MICU1: variants seen among roughly 807,000 people sequenced by gnomAD.
MICU1 encodes the protein calcium uptake protein 1, mitochondrial.
Under a neutral mutation model 56.8 loss-of-function variants are expected in MICU1, and 45 were observed. The ratio of observed to expected loss-of-function variants is 0.79; its 90% CI spans 0.62 to 1.02. The LOEUF (loss-of-function observed/expected upper bound fraction) is 1.02. Ranked by LOEUF, MICU1 falls within the 50% of genes least tolerant of loss-of-function variation. MICU1 has a pLI of 0.00. For synonymous variants in MICU1, 186 were observed against 195.1 expected (o/e 0.95, Z 0.39); for missense variants, 504 against 587.1 (o/e 0.86, Z 1.46).
intron 3 of MICU1, among the ~76,000 whole-genome samples, chr10:72,556,539 A>G (rs940363989): frequency 2.0e-5 from 3 of 151,816 alleles, no homozygotes; most frequent in Admixed American, 6.6e-5. Flanking sequence ...GGGATTTCAC[A>G]GGTTGGTCAG....
intron 1 of MICU1, among the ~76,000 whole-genome samples, chr10:72,588,876 C>T (rs762001329): frequency 6.6e-6 from 1 of 152,316 alleles, no homozygotes; most frequent in Non-Finnish European, 1.5e-5. Flanking sequence ...TGAGCCAATG[C>T]CTTGAAGAAT....
chr10:72,535,184 G>A (rs565353367), intron 4 of MICU1, among the ~76,000 whole-genome samples: 8 of 151,198 alleles, frequency 5.3e-5, no homozygotes, highest in African/African-American at 1.7e-4. Context: ...TGTGTGCCAC[G>A]ATACCTGTCT....
chr10:72,610,392 A>G (rs1180042632), intron 1 of MICU1, among the ~76,000 whole-genome samples: 1 of 152,212 alleles, frequency 6.6e-6, no homozygotes, highest in East Asian at 1.9e-4. Flanking sequence ...TCTGAGATTT[A>G]AAATTTTAAG....
At chr10:72,555,265 C>T (rs968439671) in intron 3 of MICU1, among the ~76,000 whole-genome samples, 1 of 152,092 alleles carries the variant, frequency 6.6e-6, no homozygotes, top group Non-Finnish European at 1.5e-5. Context: ...AAAATGCTAT[C>T]ATCTTTTAGT....
At chr10:72,454,827 T>C (rs985183058) in intron 8 of MICU1, among the ~76,000 whole-genome samples, 1 of 149,914 alleles carries the variant, frequency 6.7e-6, no homozygotes. Context: ...AAACAAAAAC[T>C]AGTCACAATC....
At chr10:72,547,769 G>A (rs1469897253) in intron 4 of MICU1, among the ~76,000 whole-genome samples, 1 of 152,110 alleles carries the variant, frequency 6.6e-6, no homozygotes, top group African/African-American at 2.4e-5. Flanking sequence ...TAATACAAAT[G>A]ACCTACATTC....
At chr10:72,491,245 G>T (rs1029749197) in intron 6 of MICU1, among the ~76,000 whole-genome samples, 2 of 152,280 alleles carry the variant, frequency 1.3e-5, no homozygotes, top group East Asian at 3.9e-4. Context: ...TCCTAAGTCT[G>T]TAAGCCAATT....
chr10:72,620,668 T>C (rs183312758), intron 1 of MICU1, among the ~76,000 whole-genome samples: 55 of 152,274 alleles, frequency 3.6e-4, no homozygotes, highest in Admixed American at 2.4e-3. Flanking sequence ...CTGCAAAAAA[T>C]TGATCACCCT....
chr10:72,368,284 GC>G lies in MICU1; in HGVS notation c.1341del (p.Lys447AsnfsTer63), dbSNP rs1450410399. 1.2e-6 allele frequency: 2 copies of G among 1,613,980 alleles called. No individual in the cohort carries two copies. The highest frequency in any genetic ancestry group is 2.7e-5 in the African/African-American group (2 of 75,022). On this transcript the variant is annotated frameshift_variant, in exon 12 of 12. Coordinates refer to ENST00000361114, the MANE Select transcript of MICU1 (RefSeq NM_001195518.2). LOFTEE classifies it high-confidence loss of function. ...AGGCGAGTGAAACCCATGTCTTTGG[GC>G]TTTTCCAGGCCTCTCATCAGCCGTT... Reference protein sequence around the residue: ...MKQRLMRGLEKPKDMGFTRLM... With the variant: ...MKQRLMRGLEXPKDMGFTRLM...
At chr10:72,433,618 C>T (rs972989635) in intron 8 of MICU1, among the ~76,000 whole-genome samples, 4 of 151,688 alleles carry the variant, frequency 2.6e-5, no homozygotes, top group Admixed American at 2.6e-4. Flanking sequence ...TTAGTAAAGA[C>T]AGCGTTTCAC....
At chr10:72,466,171 C>T (rs1041616657) in intron 8 of MICU1, among the ~76,000 whole-genome samples, 2 of 152,152 alleles carry the variant, frequency 1.3e-5, no homozygotes, top group Admixed American at 6.6e-5. Context: ...CTGCAACAGT[C>T]GATCTGGTAA....
chr10:72,554,784 G>A lies in MICU1; in HGVS notation c.331-3443C>T, dbSNP rs570019273. Among the ~76,000 whole-genome samples the A allele has an allele frequency of 2.0e-5, 3 of 152,308 alleles. No individual in the cohort carries two copies. In the South Asian group the frequency reaches 6.2e-4, roughly 32 times the overall value. On this transcript the variant is annotated intron_variant, in intron 3 of 11. Coordinates refer to ENST00000361114, the MANE Select transcript of MICU1 (RefSeq NM_001195518.2). Reference sequence around the variant, plus strand: ...AATCCCAGCACTTTGGGAAGCCAAGGCGGGTGGATCACTTGAGGTCAGGAG... The same window carrying A: ...AATCCCAGCACTTTGGGAAGCCAAGACGGGTGGATCACTTGAGGTCAGGAG...
intron 1 of MICU1, among the ~76,000 whole-genome samples, chr10:72,572,708 GA>G (rs1840641580): frequency 1.3e-5 from 2 of 152,090 alleles, no homozygotes; most frequent in African/African-American, 4.8e-5. Context: ...CGAAAACTGT[GA>G]AAAGATACTT....
At chr10:72,399,262 T>C (rs1564845695) in intron 10 of MICU1, among the ~76,000 whole-genome samples, 2 of 148,346 alleles carry the variant, frequency 1.3e-5, no homozygotes, top group Non-Finnish European at 3.0e-5. Context: ...AACTGAACAA[T>C]GAGATCACTT....
intron 1 of MICU1, among the ~76,000 whole-genome samples, chr10:72,575,245 C>A (rs1840711302): frequency 6.6e-6 from 1 of 152,202 alleles, no homozygotes; most frequent in African/African-American, 2.4e-5. Context: ...TCTCCTCTGT[C>A]TGTGGCCTTC....
At chr10:72,526,677 ATAAT>A (rs1241242558) in intron 5 of MICU1, among the ~76,000 whole-genome samples, 1 of 152,208 alleles carries the variant, frequency 6.6e-6, no homozygotes, top group Non-Finnish European at 1.5e-5. Context: ...TATTTAACAT[ATAAT>A]TAATCAATAT....
intron 1 of MICU1, among the ~76,000 whole-genome samples, chr10:72,605,758 T>A (rs1047967019): frequency 2.6e-5 from 4 of 152,252 alleles, no homozygotes; most frequent in African/African-American, 9.6e-5. Context: ...GACTTGAGCA[T>A]CTGTGGATTT....
At chr10:72,496,611 A>G (rs1214569500) in intron 6 of MICU1, among the ~76,000 whole-genome samples, 1 of 151,446 alleles carries the variant, frequency 6.6e-6, no homozygotes, top group Non-Finnish European at 1.5e-5. Flanking sequence ...TGCCCAGCTA[A>G]TTTTTGTAGA....
chr10:72,381,963 T>TACACACACACACACACACAC (rs10535513), intron 10 of MICU1, among the ~76,000 whole-genome samples: 3 of 138,344 alleles, frequency 2.2e-5, no homozygotes, highest in South Asian at 2.5e-4. Flanking sequence ...TATATATCTA[T>TACACACACACACACACACAC]ACACACACAC....
Sources: gnomAD v4.1 joint callset for allele counts (sites outside exome capture counted in the v4.1 genomes callset) on GRCh38, gnomAD v4.1.1 for gene constraint, MANE v1.5 for transcripts, NCBI Gene and HGNC (gene_info 2026-07-23, HGNC 2026-07-21) for gene names.